FAM13B: variants seen among roughly 807,000 people sequenced by gnomAD.
FAM13B encodes the protein family with sequence similarity 13 member B.
Under a neutral mutation model 117.3 loss-of-function variants are expected in FAM13B, and 60 were observed. That is an observed-to-expected ratio of 0.51 (90% CI 0.42 to 0.63). The LOEUF (loss-of-function observed/expected upper bound fraction) is 0.63. Ranked by LOEUF, FAM13B falls within the 30% of genes least tolerant of loss-of-function variation. The probability of loss-of-function intolerance (pLI) is 0.00; values close to 1 mark genes in which losing one functional copy is unlikely to be tolerated. For synonymous variants in FAM13B, 332 were observed against 356.1 expected (o/e 0.93, Z 0.76); for missense variants, 972 against 1,091.9 (o/e 0.89, Z 1.55).
rs1760888366 is a variant in FAM13B, at chr5:137,938,920, AC to A, written c.*1304del. ...GAGACAGTCATCAATCCAAAAAAGC[AC>A]CAGAAAAAAAAGTTAACACTTAGAT... On this transcript the variant is annotated 3_prime_UTR_variant, in exon 24 of 24. Transcript: ENST00000689681. 6.6e-6 allele frequency: 1 copy of A among 152,162 alleles called. No homozygotes were observed. Among genetic ancestry groups the A allele is most frequent in the African/African-American group, 2.4e-5 (1 of 41,438 alleles). The allele number at this position is 152,162 out of a possible 1,614,324, so 9.4% of individuals were successfully genotyped here.
chr5:137,979,354 C>A (rs559992096), intron 10 of FAM13B, among the ~76,000 whole-genome samples: 1 of 152,192 alleles, frequency 6.6e-6, no homozygotes, highest in East Asian at 1.9e-4. Flanking sequence ...GTGCAAAAAG[C>A]CTACTGATTG....
chr5:137,946,382 C>A, intron 18 of FAM13B, 71 bp from the exon 19 acceptor site: 2 of 941,792 alleles, frequency 2.1e-6, no homozygotes, highest in Non-Finnish European at 3.2e-6. Flanking sequence ...CCACTGGCAC[C>A]ATTAATATTC....
chr5:138,003,416 C>A (rs1260164127), intron 7 of FAM13B, among the ~76,000 whole-genome samples: 1 of 152,100 alleles, frequency 6.6e-6, no homozygotes, highest in African/African-American at 2.4e-5. Flanking sequence ...ATAGATACCA[C>A]CAAAAAAGTA....
intron 1 of FAM13B, among the ~76,000 whole-genome samples, chr5:138,032,315 C>T (rs1790299276): frequency 6.6e-6 from 1 of 152,220 alleles, no homozygotes; most frequent in South Asian, 2.1e-4. Context: ...TCCGCAACCA[C>T]TCATCTCACG....
chr5:138,026,811 C>T (rs894081123), intron 1 of FAM13B, among the ~76,000 whole-genome samples: 4 of 151,570 alleles, frequency 2.6e-5, no homozygotes, highest in African/African-American at 7.3e-5. Flanking sequence ...TGGTGGCACA[C>T]GCCTTTAATC....
At chr5:138,041,790 G>T (rs56009844) in intron 1 of FAM13B, among the ~76,000 whole-genome samples, 35,183 of 151,508 alleles carry the variant, frequency 0.23, 4,308 homozygotes, top group African/African-American at 0.29. Context: ...AATTGGGGGT[G>T]GGGGGTGGTA....
At chr5:137,948,247 C>T (rs754360804) in intron 18 of FAM13B, among the ~76,000 whole-genome samples, 14 of 151,796 alleles carry the variant, frequency 9.2e-5, no homozygotes, top group African/African-American at 2.7e-4. Context: ...GACATAATCA[C>T]GTCAATATAC....
chr5:137,973,170 A>G (rs2150415702), intron 10 of FAM13B, among the ~76,000 whole-genome samples: 1 of 152,336 alleles, frequency 6.6e-6, no homozygotes, highest in South Asian at 2.1e-4. Flanking sequence ...GAGCCAAAAG[A>G]ACAAAGCTGG....
intron 10 of FAM13B, among the ~76,000 whole-genome samples, chr5:137,977,400 C>T (rs1774336976): frequency 6.6e-6 from 1 of 152,102 alleles, no homozygotes; most frequent in Non-Finnish European, 1.5e-5. Context: ...TGACCCACAC[C>T]CTATTCATAC....
intron 20 of FAM13B, among the ~76,000 whole-genome samples, chr5:137,944,537 G>C (rs1007686944): frequency 6.6e-6 from 1 of 152,182 alleles, no homozygotes; most frequent in African/African-American, 2.4e-5. Flanking sequence ...GAAGGCCGAG[G>C]CAGGTGGATG....
intron 7 of FAM13B, among the ~76,000 whole-genome samples, chr5:137,992,332 G>A (rs2150663302): frequency 6.6e-6 from 1 of 150,828 alleles, no homozygotes; most frequent in African/African-American, 2.4e-5. Flanking sequence ...AGTGGCTCAT[G>A]CCTGTAATCT....
chr5:137,939,291 A>G lies in FAM13B; in HGVS notation c.*934T>C, dbSNP rs1760993896. 4 of 152,632 alleles carry G rather than the reference A, an allele frequency of 2.6e-5. No individual in the cohort carries two copies. Among genetic ancestry groups the G allele is most frequent in the African/African-American group, 9.6e-5 (4 of 41,458 alleles). 9.5% of individuals were successfully genotyped at this position (152,632 alleles called of 1,614,324 possible). ...TGCAGTGGTAGAGCCCTTGTTAAGA[A>G]CAGATTTACTTTAGGCATAATATTT... On this transcript the variant is annotated 3_prime_UTR_variant, in exon 24 of 24. Transcript: ENST00000689681.
At chr5:137,988,528 CG>C (rs775034060) in intron 7 of FAM13B, among the ~76,000 whole-genome samples, 1 of 152,102 alleles carries the variant, frequency 6.6e-6, no homozygotes, top group Non-Finnish European at 1.5e-5. Flanking sequence ...TTTGGAAAAA[CG>C]TATCACTAAC....
intron 1 of FAM13B, among the ~76,000 whole-genome samples, chr5:138,028,101 CATTAAGTA>C (rs1788917014): frequency 6.6e-6 from 1 of 152,118 alleles, no homozygotes; most frequent in Non-Finnish European, 1.5e-5. Context: ...CTGGCTTGGC[CATTAAGTA>C]ATTTATCAGA....
Position 137,962,317 on chromosome 5 carries a change from G to C in FAM13B, c.1244+88C>G, listed in dbSNP as rs1768364005. The C allele has an allele frequency of 1.2e-5, 12 of 1,004,012 alleles. No homozygotes were observed. In the South Asian group the frequency reaches 1.7e-4, roughly 14 times the overall value. 62.2% of individuals were successfully genotyped at this position (1,004,012 alleles called of 1,614,324 possible). A position where few individuals can be genotyped will look rare whatever the true frequency, so the allele number is the denominator to read the frequency against. On this transcript the variant is annotated intron_variant, in intron 11 of 23. Coordinates refer to ENST00000689681, the MANE Select transcript of FAM13B (RefSeq NM_001385994.1). ...ATTATCTAAACTATATATTTATAAT[G>C]GACATTCATCTAAAAAAATCACCTC...
chr5:137,985,222 T>C (rs1053728497), intron 10 of FAM13B, 35 bp downstream of exon 10: 3 of 1,601,722 alleles, frequency 1.9e-6, no homozygotes, highest in Non-Finnish European at 1.7e-6. Context: ...GCAATCAAAG[T>C]TGTACATCTA....
chr5:138,008,945 C>A (rs1396152045), intron 6 of FAM13B, among the ~76,000 whole-genome samples: 1 of 152,172 alleles, frequency 6.6e-6, no homozygotes, highest in African/African-American at 2.4e-5. Flanking sequence ...AAGATCGAGA[C>A]CAGCCTGGCC....
At chr5:137,951,678 A>T (rs886959837) in intron 17 of FAM13B, among the ~76,000 whole-genome samples, 7 of 151,764 alleles carry the variant, frequency 4.6e-5, no homozygotes, top group Admixed American at 1.3e-4. Context: ...AAAAATATAT[A>T]TTTTTTTATT....
rs200021095 is a variant in FAM13B, at chr5:138,007,077, C to A, written c.761G>T (p.Gly254Val). ...TGGCATGTCATTTGATTTTTCTGCA[C>A]CCTCTTCTGGAAGTTCTTCAATATG... is the stretch of plus-strand genomic sequence containing the variant. ...LEHIEELPEE[G>V]AEKSNDMPEV... Residue 254 changes from glycine (G) to valine (V), a missense_variant, in exon 7 of 24, where the codon GGT becomes GTT. Transcript: ENST00000689681. The A allele has an allele frequency of 4.3e-5, 69 of 1,613,452 alleles. No individual in the cohort carries two copies. In the African/African-American group the frequency reaches 7.9e-4, roughly 18 times the overall value.
Sources: allele counts gnomAD v4.1 joint callset (sites outside exome capture counted in the v4.1 genomes callset), GRCh38; gene constraint gnomAD v4.1.1; transcripts MANE v1.5; gene names NCBI Gene and HGNC (gene_info 2026-07-23, HGNC 2026-07-21).